IQSEC1: variants seen among roughly 807,000 people sequenced by gnomAD.
IQSEC1 encodes IQ motif and SEC7 domain-containing protein 1.
In IQSEC1, 31 loss-of-function variants were observed where a neutral mutation model predicts 91.0. The observed-to-expected ratio is 0.34, with a 90% CI of 0.26 to 0.46. IQSEC1 has a LOEUF of 0.46. IQSEC1 is among the 20% of genes least tolerant of loss of function. The pLI, the probability that IQSEC1 is intolerant of heterozygous loss-of-function variation, is 1.00. For missense variants in IQSEC1, 1,388 were observed against 1,575.6 expected, an observed-to-expected ratio of 0.88 and a Z score of 2.02; for synonymous variants, 699 against 662.6, an observed-to-expected ratio of 1.05 and a Z score of -0.84.
intron 6 of IQSEC1, 91 bp downstream of exon 6, chr3:12,920,339 G>A (rs1037734025): frequency 1.5e-6 from 2 of 1,314,946 alleles, no homozygotes; most frequent in South Asian, 1.3e-5. Flanking sequence ...CCAACTGGAG[G>A]TTGCCTCACG....
At chr3:13,200,253 C>T (rs1206226200) in intron 1 of IQSEC1, among the ~76,000 whole-genome samples, 1 of 111,630 alleles carries the variant, frequency 9.0e-6, no homozygotes. Flanking sequence ...CCACATACAA[C>T]ACACACACAC....
At chr3:13,196,463 C>A (rs903565869) in intron 1 of IQSEC1, among the ~76,000 whole-genome samples, 1 of 152,210 alleles carries the variant, frequency 6.6e-6, no homozygotes, top group African/African-American at 2.4e-5. Flanking sequence ...CCTCCTCAAC[C>A]GAGGGCTCAA....
chr3:12,984,386 C>T lies in IQSEC1; in HGVS notation c.24-42521G>A, dbSNP rs1701620581. ...GCGCCCTCTTCTGGTGGATACAGCC[C>T]CACAGGCCCAGGGCTGAGCTAACAA... On this transcript the variant is annotated intron_variant, in intron 1 of 13. Transcript: ENST00000613206. Among the ~76,000 whole-genome samples the T allele has an allele frequency of 2.0e-5, 3 of 152,212 alleles. No homozygotes were observed. In the South Asian group the frequency reaches 6.2e-4, roughly 31 times the overall value.
chr3:13,208,286 C>CTT (rs1694379492), intron 1 of IQSEC1, among the ~76,000 whole-genome samples: 1 of 151,866 alleles, frequency 6.6e-6, no homozygotes, highest in Admixed American at 6.6e-5. Flanking sequence ...GTGCCTCCCA[C>CTT]TCTACAGAGA....
chr3:12,902,670 C>CAAAAAAAAAAAAAAAAAAAAAAAAAACAA lies in IQSEC1; in HGVS notation c.2805+102_2805+103insTTGTTTTTTTTTTTTTTTTTTTTTTTTTT, dbSNP rs1213830618. 200 of 192,536 alleles carry CAAAAAAAAAAAAAAAAAAAAAAAAAACAA rather than the reference C, an allele frequency of 1.0e-3. 3 individuals are homozygous for CAAAAAAAAAAAAAAAAAAAAAAAAAACAA. The highest frequency in any genetic ancestry group is 2.5e-3 in the African/African-American group (36 of 14,682). The allele number at this position is 192,536 out of a possible 1,614,324, so 11.9% of individuals were successfully genotyped here. On this transcript the variant is annotated intron_variant, in intron 13 of 13. Transcript: ENST00000613206. ...AAAAAAAAAACAACAAAAAAAAAAC[C>CAAAAAAAAAAAAAAAAAAAAAAAAAACAA]AAAAAAAAAAAAAAAAAAAAAAAAC... is the stretch of plus-strand genomic sequence containing the variant.
Position 13,125,271 on chromosome 3 carries a change from A to G in IQSEC1, c.302+38833T>C, listed in dbSNP as rs192060755. Among the ~76,000 whole-genome samples, 198 of 152,232 alleles carry G rather than the reference A, an allele frequency of 1.3e-3. 1 individual carries two copies. The highest frequency in any genetic ancestry group is 4.7e-3 in the African/African-American group (195 of 41,516). ...TTCTCAGCTCTTTTTGTGGCTGTCT[A>G]CGTACCCTCAGGTGTCCTTTTAATC... On this transcript the variant is annotated intron_variant, in intron 2 of 15. Transcript: ENST00000648114.
chr3:13,015,369 C>T (rs954361703), intron 1 of IQSEC1, among the ~76,000 whole-genome samples: 1 of 152,186 alleles, frequency 6.6e-6, no homozygotes, highest in African/African-American at 2.4e-5. Context: ...TGTGGGGAAA[C>T]ACCTGGTGTT....
chr3:13,098,318 T>C (rs1433861416), intron 2 of IQSEC1, among the ~76,000 whole-genome samples: 2 of 152,120 alleles, frequency 1.3e-5, no homozygotes, highest in Non-Finnish European at 2.9e-5. Context: ...TCAGGAATTT[T>C]TGGAGCATAG....
rs3816057 is a variant in IQSEC1, at chr3:12,962,913, G to C, written c.24-21048C>G. On this transcript the variant is annotated intron_variant, in intron 1 of 13. Coordinates refer to ENST00000613206, the MANE Select transcript of IQSEC1 (RefSeq NM_001134382.3). Reference sequence around the variant, plus strand: ...ACATGTTGGGAATCCTGATACCTGGGGATACCAGACATCTGTTGTGGCAGT... The same window carrying C: ...ACATGTTGGGAATCCTGATACCTGGCGATACCAGACATCTGTTGTGGCAGT... Among the ~76,000 whole-genome samples, 73 of 152,312 alleles carry C rather than the reference G, an allele frequency of 4.8e-4. 1 individual carries two copies. The East Asian group carries it at 0.013, about 28-fold the overall frequency.
chr3:12,952,114 G>C (rs547481397), intron 1 of IQSEC1, among the ~76,000 whole-genome samples: 2 of 152,168 alleles, frequency 1.3e-5, no homozygotes, highest in Non-Finnish European at 2.9e-5. Flanking sequence ...GCGGGAGAAG[G>C]TGGGGGTCAG....
chr3:13,195,268 A>G (rs1389536049), intron 1 of IQSEC1, among the ~76,000 whole-genome samples: 1 of 152,244 alleles, frequency 6.6e-6, no homozygotes, highest in Non-Finnish European at 1.5e-5. Flanking sequence ...TAAGACACGC[A>G]GAAAATGCAA....
intron 2 of IQSEC1, among the ~76,000 whole-genome samples, chr3:13,135,907 G>C (rs1706700536): frequency 1.3e-5 from 2 of 152,212 alleles, no homozygotes; most frequent in African/African-American, 4.8e-5. Flanking sequence ...CCCGTGCCTA[G>C]CATCGTGGAC....
At chr3:12,981,461 G>A (rs937948914) in intron 1 of IQSEC1, among the ~76,000 whole-genome samples, 3 of 152,120 alleles carry the variant, frequency 2.0e-5, no homozygotes, top group Non-Finnish European at 2.9e-5. Context: ...ATCTCTGGGG[G>A]GGAGAACCGG....
At chr3:12,932,508 G>C (rs569299059) in intron 3 of IQSEC1, among the ~76,000 whole-genome samples, 2 of 152,182 alleles carry the variant, frequency 1.3e-5, no homozygotes, top group African/African-American at 4.8e-5. Flanking sequence ...CATGCCTGGC[G>C]CACCGTCAGC....
intron 1 of IQSEC1, among the ~76,000 whole-genome samples, chr3:13,028,342 T>C (rs1703708903): frequency 6.6e-6 from 1 of 152,252 alleles, no homozygotes; most frequent in Admixed American, 6.5e-5. Context: ...GCTCACCGTC[T>C]GGCCTCTGTT....
intron 2 of IQSEC1, among the ~76,000 whole-genome samples, chr3:13,109,496 A>G (rs1208436127): frequency 1.3e-5 from 2 of 151,934 alleles, no homozygotes; most frequent in Non-Finnish European, 2.9e-5. Flanking sequence ...CCCCACCCAA[A>G]TCTCATGTTG....
chr3:13,081,218 T>C (rs1228017947), intron 2 of IQSEC1, among the ~76,000 whole-genome samples: 1 of 152,204 alleles, frequency 6.6e-6, no homozygotes, highest in African/African-American at 2.4e-5. Context: ...AAAGTTGGCA[T>C]CTCTGGGTGG....
chr3:13,130,615 C>G lies in IQSEC1; in HGVS notation c.302+33489G>C, dbSNP rs560608265. ...AGTCTTCTATATCCTATCCATACATCAAGGCTACTTGTCCTGTCATGTAGT... is the reference window on the plus strand; with the variant it reads ...AGTCTTCTATATCCTATCCATACATGAAGGCTACTTGTCCTGTCATGTAGT... On this transcript the variant is annotated intron_variant, in intron 2 of 15. Transcript: ENST00000648114. Among the ~76,000 whole-genome samples, 7 of 152,152 alleles carry G rather than the reference C, an allele frequency of 4.6e-5. No homozygotes were observed. The South Asian group carries it at 6.2e-4, about 14-fold the overall frequency.
intron 1 of IQSEC1, among the ~76,000 whole-genome samples, chr3:13,173,479 C>T (rs1693658069): frequency 6.6e-6 from 1 of 152,206 alleles, no homozygotes; most frequent in African/African-American, 2.4e-5. Context: ...TGGCTGGCCT[C>T]CCAAGGCCTC....
Sources: allele counts gnomAD v4.1 joint callset (sites outside exome capture counted in the v4.1 genomes callset), GRCh38; gene constraint gnomAD v4.1.1; transcripts MANE v1.5; gene names NCBI Gene and HGNC (gene_info 2026-07-23, HGNC 2026-07-21).